The following SYT9 variants were observed in gnomAD, a reference collection of about 807,000 sequenced individuals.
SYT9 encodes synaptotagmin-9.
Under a neutral mutation model 48.4 loss-of-function variants are expected in SYT9, and 22 were observed. The observed-to-expected ratio is 0.45, with a 90% confidence interval of 0.32 to 0.65. The LOEUF (loss-of-function observed/expected upper bound fraction) is 0.65. Among genes scored for constraint, SYT9 ranks in the 30% least tolerant of loss-of-function variants. The pLI, the probability that SYT9 is intolerant of heterozygous loss-of-function variation, is 0.03. For synonymous variants in SYT9, 265 were observed against 245.0 expected, an observed-to-expected ratio of 1.08 and a Z score of -0.76; for missense variants, 577 against 622.0, an observed-to-expected ratio of 0.93 and a Z score of 0.77.
rs184645784 is a variant in SYT9 at position 7,396,710 on chromosome 11, C to T, written c.1045-19332C>T. ...GCAGCTTATGAGATGGTCAGTTCCT[C>T]CACATCCTACACAACAATTCATATT... On this transcript the variant is annotated intron_variant, in intron 3 of 6. Transcript: ENST00000318881. Among the ~76,000 whole-genome samples the T allele has an allele frequency of 2.2e-3, 332 of 152,254 alleles. 1 individual carries two copies. The highest frequency in any genetic ancestry group is 1.9e-3 in the Non-Finnish European group (126 of 67,972).
intron 2 of SYT9, among the ~76,000 whole-genome samples, chr11:7,307,192 C>A (rs766304067): frequency 9.2e-5 from 14 of 152,122 alleles, no homozygotes; most frequent in Non-Finnish European, 1.9e-4. Context: ...GGAAGATAAC[C>A]ATCACACTCT....
chr11:7,358,664 T>G (rs1850068909), intron 3 of SYT9, among the ~76,000 whole-genome samples: 1 of 152,202 alleles, frequency 6.6e-6, no homozygotes, highest in Admixed American at 6.5e-5. Flanking sequence ...TTTTCATGTT[T>G]TTAGAAAACC....
intron 6 of SYT9, among the ~76,000 whole-genome samples, chr11:7,455,562 A>T (rs1362873130): frequency 6.7e-6 from 1 of 149,832 alleles, no homozygotes; most frequent in Non-Finnish European, 1.5e-5. Context: ...CTGGTCCTGT[A>T]CTCCTGGATC....
chr11:7,409,635 AG>A (rs1847094989), intron 3 of SYT9, among the ~76,000 whole-genome samples: 1 of 151,972 alleles, frequency 6.6e-6, no homozygotes, highest in Non-Finnish European at 1.5e-5. Flanking sequence ...CCATTCTCCT[AG>A]GTTTTCTGGT....
chr11:7,264,883 G>A (rs1848148774), intron 1 of SYT9, among the ~76,000 whole-genome samples: 1 of 152,152 alleles, frequency 6.6e-6, no homozygotes, highest in Non-Finnish European at 1.5e-5. Context: ...AGGAATGTGG[G>A]GGAAGCGACC....
chr11:7,241,692 T>G (rs1387726355), intron 1 of SYT9, among the ~76,000 whole-genome samples: 1 of 152,226 alleles, frequency 6.6e-6, no homozygotes, highest in Non-Finnish European at 1.5e-5. Context: ...TTGCTTATAG[T>G]CTGTAGTAAA....
chr11:7,432,631 A>T, intron 6 of SYT9, among the ~76,000 whole-genome samples: 1 of 51,190 alleles, frequency 2.0e-5, no homozygotes, highest in East Asian at 8.4e-4. Flanking sequence ...ATATATATAT[A>T]TATATATTTA....
At chr11:7,386,848 C>T (rs1196665489) in intron 3 of SYT9, among the ~76,000 whole-genome samples, 3 of 152,142 alleles carry the variant, frequency 2.0e-5, no homozygotes, top group African/African-American at 4.8e-5. Context: ...CACATGTACA[C>T]GTATGTTTAT....
chr11:7,361,543 AC>A (rs1850137268), intron 3 of SYT9, among the ~76,000 whole-genome samples: 1 of 152,058 alleles, frequency 6.6e-6, no homozygotes, highest in Non-Finnish European at 1.5e-5. Flanking sequence ...CCTAGATCAA[AC>A]CCTTTTGTTA....
chr11:7,329,520 A>G (rs1849491999), intron 3 of SYT9, among the ~76,000 whole-genome samples: 1 of 152,170 alleles, frequency 6.6e-6, no homozygotes, highest in Non-Finnish European at 1.5e-5. Flanking sequence ...CATTTGAGAC[A>G]AAAGGAAAGT....
At position 7,343,249 on chromosome 11, in the gene SYT9, TTTC is replaced by T. The variant is rs1259567207; in HGVS notation, c.1044+29311_1044+29313del. ...TGAATTTCTCCTTAGAAAATGGGTT[TTTC>T]TTTTCTATTGCATGGTCAGGCTGCA... On this transcript the variant is annotated intron_variant, in intron 3 of 6. Coordinates refer to ENST00000318881, the MANE Select transcript of SYT9 (RefSeq NM_175733.4). Among the ~76,000 whole-genome samples the T allele has an allele frequency of 2.0e-5, 3 of 152,216 alleles. No homozygotes were observed. In the East Asian group the frequency reaches 5.8e-4, roughly 29 times the overall value.
chr11:7,454,962 G>T (rs778167253), intron 6 of SYT9, among the ~76,000 whole-genome samples: 17 of 152,190 alleles, frequency 1.1e-4, no homozygotes, highest in Admixed American at 1.1e-3. Context: ...CAGCCACAGT[G>T]TATAGAGGAC....
chr11:7,382,186 G>A (rs922474055), intron 3 of SYT9, among the ~76,000 whole-genome samples: 1 of 152,180 alleles, frequency 6.6e-6, no homozygotes, highest in Admixed American at 6.5e-5. Context: ...TGTCATAGCA[G>A]CCATCCTGCC....
intron 3 of SYT9, among the ~76,000 whole-genome samples, chr11:7,334,072 C>A (rs1228096566): frequency 6.6e-6 from 1 of 152,078 alleles, no homozygotes; most frequent in Admixed American, 6.6e-5. Context: ...GATAGTTAGG[C>A]ATTTGCCTGA....
intron 6 of SYT9, chr11:7,457,621 G>A (rs1273518209): frequency 3.3e-5 from 5 of 152,146 alleles, no homozygotes; most frequent in Admixed American, 2.0e-4. Context: ...TACAGGCATA[G>A]TGGTTCTATT....
intron 1 of SYT9, among the ~76,000 whole-genome samples, chr11:7,298,781 C>T (rs899983144): frequency 6.6e-6 from 1 of 152,030 alleles, no homozygotes; most frequent in African/African-American, 2.4e-5. Flanking sequence ...CAATGCATCA[C>T]GTCTTATGGC....
At chr11:7,268,385 G>T (rs149243882) in intron 1 of SYT9, among the ~76,000 whole-genome samples, 362 of 151,902 alleles carry the variant, frequency 2.4e-3, no homozygotes, top group African/African-American at 8.4e-3. Context: ...AATATGGAAG[G>T]CATCCTAATT....
intron 3 of SYT9, among the ~76,000 whole-genome samples, chr11:7,371,387 T>C (rs1850359236): frequency 1.3e-5 from 2 of 152,244 alleles, no homozygotes; most frequent in East Asian, 1.9e-4. Flanking sequence ...TAAAATTTTG[T>C]AAACTTTAAA....
chr11:7,310,081 T>G (rs1301808914), intron 2 of SYT9, among the ~76,000 whole-genome samples: 2 of 152,228 alleles, frequency 1.3e-5, no homozygotes, highest in Non-Finnish European at 2.9e-5. Flanking sequence ...AATGTTTCAG[T>G]AGATAATAGT....
Sources: gnomAD v4.1 joint callset for allele counts (sites outside exome capture counted in the v4.1 genomes callset) on GRCh38, gnomAD v4.1.1 for gene constraint, MANE v1.5 for transcripts, NCBI Gene and HGNC (gene_info 2026-07-23, HGNC 2026-07-21) for gene names.